RSF1: variants seen among roughly 807,000 people sequenced by gnomAD.
RSF1 encodes the protein HBV pX-associated protein 8.
A neutral mutation model predicts 145.2 loss-of-function variants in RSF1; 13 were observed. The ratio of observed to expected loss-of-function variants is 0.09; its 90% CI spans 0.06 to 0.14. The LOEUF is 0.14. RSF1 is among the 10% of genes least tolerant of loss of function. RSF1 has a pLI of 1.00. For missense variants in RSF1, 1,517 were observed against 1,718.2 expected (o/e 0.88, Z 2.07); for synonymous variants, 577 against 592.6 (o/e 0.97, Z 0.38).
intron 5 of RSF1, among the ~76,000 whole-genome samples, chr11:77,724,927 G>A (rs1334677415): frequency 1.3e-5 from 2 of 152,146 alleles, no homozygotes; most frequent in African/African-American, 4.8e-5. Context: ...CTGGGGGTTG[G>A]GGACCCCTGT....
At chr11:77,679,166 T>G (rs1033413583) in intron 11 of RSF1, among the ~76,000 whole-genome samples, 1 of 152,246 alleles carries the variant, frequency 6.6e-6, no homozygotes. Flanking sequence ...AAAATTTGAA[T>G]TATAGGTAAT....
chr11:77,796,042 A>C (rs191848143), intron 1 of RSF1, among the ~76,000 whole-genome samples: 5 of 152,258 alleles, frequency 3.3e-5, no homozygotes, highest in African/African-American at 1.2e-4. Context: ...TTTCTGTGGG[A>C]TCAGCAGTGA....
intron 3 of RSF1, among the ~76,000 whole-genome samples, chr11:77,741,790 C>T (rs1250675409): frequency 6.6e-6 from 1 of 152,074 alleles, no homozygotes; most frequent in East Asian, 1.9e-4. Flanking sequence ...CAACTGATCT[C>T]CTGAACTAAT....
the RSF1 span, among the ~76,000 whole-genome samples, chr11:77,843,038 T>C: frequency 6.6e-6 from 1 of 152,204 alleles, no homozygotes; most frequent in Non-Finnish European, 1.5e-5. Context: ...CTTAGGTGTG[T>C]TCCTAGGAGT....
At chr11:77,858,885 T>G in the RSF1 span, among the ~76,000 whole-genome samples, 2 of 152,184 alleles carry the variant, frequency 1.3e-5, no homozygotes, top group African/African-American at 2.4e-5. Context: ...CTGGAAGAGA[T>G]AAACTTAACA....
At chr11:77,796,586 T>C (rs868091176) in intron 1 of RSF1, among the ~76,000 whole-genome samples, 4 of 152,180 alleles carry the variant, frequency 2.6e-5, no homozygotes, top group South Asian at 2.1e-4. Flanking sequence ...GCATTCTCTT[T>C]GAAAACTGGC....
chr11:77,714,294 G>A (rs1345359771), intron 5 of RSF1, among the ~76,000 whole-genome samples: 1 of 152,116 alleles, frequency 6.6e-6, no homozygotes, highest in African/African-American at 2.4e-5. Flanking sequence ...TGTAGATTTT[G>A]TCTATACGTT....
chr11:77,863,813 C>G, the RSF1 span, among the ~76,000 whole-genome samples: 1 of 152,092 alleles, frequency 6.6e-6, no homozygotes, highest in Non-Finnish European at 1.5e-5. Flanking sequence ...CTCTGCCTAC[C>G]CCTATAACTC....
chr11:77,746,739 C>T (rs538085742), intron 3 of RSF1, among the ~76,000 whole-genome samples: 17 of 152,192 alleles, frequency 1.1e-4, no homozygotes, highest in Admixed American at 7.8e-4. Flanking sequence ...AAAAATTATC[C>T]ACAGTTTACA....
chr11:77,718,518 C>T (rs933291790), intron 5 of RSF1: 27 of 152,092 alleles, frequency 1.8e-4, no homozygotes, highest in Admixed American at 1.5e-3. Flanking sequence ...AATTGTGTCC[C>T]CCACAAATTC....
At chr11:77,681,912 C>T (rs1473633351) in intron 11 of RSF1, among the ~76,000 whole-genome samples, 1 of 152,084 alleles carries the variant, frequency 6.6e-6, no homozygotes, top group Non-Finnish European at 1.5e-5. Flanking sequence ...TGTCAAATGG[C>T]GCTCCCATTT....
Position 77,702,448 on chromosome 11 carries a change from C to A in RSF1, c.781G>T (p.Asp261Tyr). 1 of 1,569,684 alleles carries A rather than the reference C, an allele frequency of 6.4e-7. No homozygotes were observed. The highest frequency in any genetic ancestry group is 8.6e-7 in the Non-Finnish European group (1 of 1,167,636). ...EKMKSEEQPMDLENRSTANVL... is the reference protein window; with the variant it reads ...EKMKSEEQPMYLENRSTANVL... The stretch of plus-strand genomic sequence containing the variant: ...TTGGCTGTAGAACGGTTTTCTAAAT[C>A]CATAGGCTGCTCCTCACTTTTCATC... Residue 261 changes from aspartate (D) to tyrosine (Y), a missense_variant, in exon 6 of 16, where the codon GAT (aspartate) becomes TAT (tyrosine). Around this residue, in one of 12 missense-constraint regions of RSF1, gnomAD observed 207 missense variants for 191.4 expected, o/e 1.08. Transcript: ENST00000308488.
the RSF1 span, among the ~76,000 whole-genome samples, chr11:77,852,224 CA>C: frequency 2.1e-4 from 7 of 33,510 alleles, 1 homozygote; most frequent in Admixed American, 7.9e-4. Flanking sequence ...GACACTGTCT[CA>C]AAAAAAAAAA....
At chr11:77,682,695 C>T (rs560126806) in intron 11 of RSF1, among the ~76,000 whole-genome samples, 12 of 152,298 alleles carry the variant, frequency 7.9e-5, no homozygotes, top group African/African-American at 2.9e-4. Context: ...ATGGTCCTTA[C>T]CTTCATGCTA....
chr11:77,824,028 G>T (rs1590915515), upstream of RSF1, among the ~76,000 whole-genome samples: 1 of 152,114 alleles, frequency 6.6e-6, no homozygotes, highest in Non-Finnish European at 1.5e-5. Flanking sequence ...AATCTAGATC[G>T]GCAGGGAAAC....
In RSF1 at chr11:77,683,686, T is replaced by G. The variant is rs1218817055; in HGVS notation, c.3065+24A>C. 6.7e-6 allele frequency: 10 copies of G among 1,493,260 alleles called. No homozygotes were observed. In the South Asian group the frequency reaches 1.1e-4, roughly 17 times the overall value. 92.5% of individuals were successfully genotyped at this position (1,493,260 alleles called of 1,614,324 possible). ...TTGCAAAATAAATCCTCTTTTGCTG[T>G]AGACATTTCCATACACTTCATACCT... is the stretch of plus-strand genomic sequence containing the variant. On this transcript the variant is annotated intron_variant, in intron 11 of 15. Coordinates refer to ENST00000308488, the MANE Select transcript of RSF1 (RefSeq NM_016578.4).
At chr11:77,687,312 T>C (rs918566482) in intron 9 of RSF1, among the ~76,000 whole-genome samples, 1 of 152,204 alleles carries the variant, frequency 6.6e-6, no homozygotes, top group Non-Finnish European at 1.5e-5. Context: ...CCTGTAACAG[T>C]AACTTTCCTT....
At chr11:77,813,706 T>C in intron 1 of RSF1, 4 of 432,924 alleles carry the variant, frequency 9.2e-6, no homozygotes, top group Non-Finnish European at 1.3e-5. Context: ...GACCGACTTG[T>C]TCCTCGGCGA....
At chr11:77,675,542 T>C (rs1959679269) in intron 13 of RSF1, among the ~76,000 whole-genome samples, 1 of 152,224 alleles carries the variant, frequency 6.6e-6, no homozygotes, top group Non-Finnish European at 1.5e-5. Flanking sequence ...ATTCATTATT[T>C]CCCAATCTAC....
Sources: allele counts gnomAD v4.1 joint callset (sites outside exome capture counted in the v4.1 genomes callset), GRCh38; gene constraint gnomAD v4.1.1; regional missense constraint gnomAD v4.1.1; transcripts MANE v1.5; gene names NCBI Gene and HGNC (gene_info 2026-07-23, HGNC 2026-07-21).